PLXNA2: variants seen among roughly 807,000 people sequenced by gnomAD.
The protein encoded by PLXNA2 is plexin A2.
A neutral mutation model predicts 193.5 loss-of-function variants in PLXNA2; 91 were observed. The observed-to-expected ratio is 0.47, with a 90% CI of 0.40 to 0.56. The LOEUF (loss-of-function observed/expected upper bound fraction) is 0.56. Ranked by LOEUF, PLXNA2 falls within the 20% of genes least tolerant of loss-of-function variation. PLXNA2 has a pLI of 0.00. For missense variants in PLXNA2, 1,995 were observed against 2,503.2 expected, an observed-to-expected ratio of 0.80 and a Z score of 4.33; for synonymous variants, 997 against 1,027.3, an observed-to-expected ratio of 0.97 and a Z score of 0.56.
At chr1:208,166,295 G>A (rs115741589) in intron 3 of PLXNA2, among the ~76,000 whole-genome samples, 2,378 of 152,344 alleles carry the variant, frequency 0.016, 30 homozygotes, top group Middle Eastern at 0.024. Flanking sequence ...AAGAGCAGAT[G>A]TTAGGCTGGC....
intron 4 of PLXNA2, among the ~76,000 whole-genome samples, chr1:208,122,476 A>G (rs891134710): frequency 6.6e-6 from 1 of 152,226 alleles, no homozygotes; most frequent in East Asian, 1.9e-4. Flanking sequence ...CCTAATAGGA[A>G]TGTTGTGAAG....
At chr1:208,194,197 A>G (rs976414349) in intron 3 of PLXNA2, among the ~76,000 whole-genome samples, 2 of 151,890 alleles carry the variant, frequency 1.3e-5, no homozygotes, top group African/African-American at 4.8e-5. Context: ...CCTGTCTGCT[A>G]CTAGATGCAA....
chr1:208,103,935 G>C (rs1207461060), intron 4 of PLXNA2, among the ~76,000 whole-genome samples: 1 of 152,136 alleles, frequency 6.6e-6, no homozygotes, highest in Non-Finnish European at 1.5e-5. Flanking sequence ...CACTCCTCCT[G>C]GTCTTCTGCT....
intron 4 of PLXNA2, among the ~76,000 whole-genome samples, chr1:208,111,115 A>G (rs962895466): frequency 2.0e-5 from 3 of 152,126 alleles, no homozygotes; most frequent in Non-Finnish European, 4.4e-5. Flanking sequence ...CAGTGGTGCA[A>G]TCACAGCTCA....
chr1:208,067,971 G>A (rs566340345), intron 12 of PLXNA2, among the ~76,000 whole-genome samples: 2 of 152,192 alleles, frequency 1.3e-5, no homozygotes, highest in South Asian at 4.2e-4. Flanking sequence ...CTACTCAAAA[G>A]ATGCCTCCTC....
intron 12 of PLXNA2, among the ~76,000 whole-genome samples, chr1:208,068,461 C>A (rs991625906): frequency 6.6e-6 from 1 of 152,242 alleles, no homozygotes; most frequent in African/African-American, 2.4e-5. Flanking sequence ...CTGAAGACAG[C>A]AATTAAGTCA....
At chr1:208,203,306 C>T (rs1670610717) in intron 3 of PLXNA2, among the ~76,000 whole-genome samples, 1 of 152,148 alleles carries the variant, frequency 6.6e-6, no homozygotes, top group African/African-American at 2.4e-5. Context: ...CCACCCCACC[C>T]CTTCCATGCA....
chr1:208,165,453 C>A (rs1028086251), intron 3 of PLXNA2, among the ~76,000 whole-genome samples: 1 of 152,122 alleles, frequency 6.6e-6, no homozygotes, highest in Non-Finnish European at 1.5e-5. Flanking sequence ...CCCAAAGTCA[C>A]ACATCTAGGA....
At chr1:208,062,585 C>A (rs1665653138) in intron 12 of PLXNA2, among the ~76,000 whole-genome samples, 1 of 152,190 alleles carries the variant, frequency 6.6e-6, no homozygotes, top group African/African-American at 2.4e-5. Flanking sequence ...ATGCTCTTAT[C>A]TGGAGGCTTA....
intron 1 of PLXNA2, among the ~76,000 whole-genome samples, chr1:208,231,089 C>T (rs899707323): frequency 1.3e-5 from 2 of 152,146 alleles, no homozygotes; most frequent in Non-Finnish European, 2.9e-5. Flanking sequence ...ACCCTTGAGG[C>T]GCTATCAGCC....
intron 3 of PLXNA2, among the ~76,000 whole-genome samples, chr1:208,201,045 C>T (rs1013713324): frequency 2.0e-5 from 3 of 152,210 alleles, no homozygotes; most frequent in African/African-American, 7.2e-5. Context: ...GTCACTCTAG[C>T]AGCAACAGAG....
intron 13 of PLXNA2, among the ~76,000 whole-genome samples, chr1:208,057,119 A>T (rs1450926874): frequency 1.3e-5 from 2 of 152,224 alleles, no homozygotes; most frequent in Admixed American, 1.3e-4. Flanking sequence ...AGCAAATTCT[A>T]GCCCTTAATA....
chr1:208,145,575 G>A (rs1156334471), intron 3 of PLXNA2, among the ~76,000 whole-genome samples: 2 of 152,250 alleles, frequency 1.3e-5, no homozygotes, highest in African/African-American at 4.8e-5. Flanking sequence ...AGTCAGAAGA[G>A]AGAATGAATG....
At chr1:208,045,846 T>C in intron 18 of PLXNA2, 32 bp downstream of exon 18, 1 of 1,611,282 alleles carries the variant, frequency 6.2e-7, no homozygotes, top group African/African-American at 1.3e-5. Flanking sequence ...TTGCTGCCCC[T>C]GGTGGCACTG....
intron 1 of PLXNA2, among the ~76,000 whole-genome samples, chr1:208,219,658 C>A (rs1435825616): frequency 6.6e-6 from 1 of 152,220 alleles, no homozygotes; most frequent in Non-Finnish European, 1.5e-5. Context: ...TTAGGAACGA[C>A]CCTTCCTCTT....
intron 5 of PLXNA2, among the ~76,000 whole-genome samples, chr1:208,100,919 C>A (rs961090342): frequency 3.9e-5 from 6 of 152,208 alleles, no homozygotes; most frequent in Non-Finnish European, 8.8e-5. Flanking sequence ...GTGTCCAAAC[C>A]AAATAGCCAT....
rs1422205214 is a variant in PLXNA2 at position 208,051,263 on chromosome 1, T to C, written c.3154A>G (p.Ile1052Val). The change falls in exon 16 of 32, where the codon ATT (isoleucine) becomes GTT (valine). Residue 1052 changes from isoleucine to valine, a missense_variant. Ile to Val is a conservative substitution (Grantham distance 29). Transcript: ENST00000367033. ...TCCCACCTTCCACCTCACCTGGCAA[T>C]GCTCCACTCTGGCTCGATGCGCTGG... ...RVQRIEPEWS[I>V]ASGHTPLTIT... The C allele has an allele frequency of 6.2e-7, 1 of 1,605,838 alleles. No homozygotes were observed. The highest frequency in any genetic ancestry group is 8.5e-7 in the Non-Finnish European group (1 of 1,174,522).
chr1:208,075,088 A>G (rs1456396621), intron 12 of PLXNA2, among the ~76,000 whole-genome samples: 2 of 152,200 alleles, frequency 1.3e-5, no homozygotes, highest in East Asian at 3.9e-4. Flanking sequence ...AGGTGGGCGG[A>G]TCACCTGAGG....
chr1:208,041,958 T>A, intron 22 of PLXNA2, 140 bp downstream of exon 22: 1 of 874,958 alleles, frequency 1.1e-6, no homozygotes, highest in South Asian at 1.6e-5. Flanking sequence ...TGCAGAGACG[T>A]GAGGACACAG....
Sources: allele counts gnomAD v4.1 joint callset (sites outside exome capture counted in the v4.1 genomes callset), GRCh38; gene constraint gnomAD v4.1.1; transcripts MANE v1.5; gene names NCBI Gene and HGNC (gene_info 2026-07-23, HGNC 2026-07-21).